Variants in DIABLO observed in about 807,000 individuals in gnomAD.
DIABLO encodes the protein diablo homolog, mitochondrial.
DIABLO carries 32 observed loss-of-function variants against 31.7 expected under a neutral mutation model. The ratio of observed to expected loss-of-function variants is 1.01; its 90% CI spans 0.76 to 1.35. DIABLO has a LOEUF of 1.35. Among genes scored for constraint, DIABLO ranks in the 40% most tolerant of loss-of-function variants. The probability of loss-of-function intolerance (pLI) is 0.00; values close to 1 mark genes in which losing one functional copy is unlikely to be tolerated. For synonymous variants in DIABLO, 132 were observed against 103.2 expected (o/e 1.28, Z -1.69); for missense variants, 316 against 286.4 (o/e 1.10, Z -0.75).
At chr12:122,219,219 G>A (rs1267353355) in intron 2 of DIABLO, among the ~76,000 whole-genome samples, 30 of 151,470 alleles carry the variant, frequency 2.0e-4, no homozygotes, top group Admixed American at 5.9e-4. Flanking sequence ...GTGACAGAGC[G>A]AGACTACATC....
chr12:122,208,783 T>C (rs768031244), intron 5 of DIABLO: 49 of 676,892 alleles, frequency 7.2e-5, no homozygotes, highest in Middle Eastern at 2.3e-4. Context: ...AAACAGCATT[T>C]TTCTTCAGCT....
chr12:122,220,859 GAAGA>G (rs1158262514), intron 2 of DIABLO: 2 of 152,100 alleles, frequency 1.3e-5, no homozygotes, highest in Admixed American at 6.6e-5. Context: ...ACTACAAAAG[GAAGA>G]AAGACACCTC....
chr12:122,209,095 C>T, intron 5 of DIABLO: 1 of 277,356 alleles, frequency 3.6e-6, no homozygotes, highest in Non-Finnish European at 7.0e-6. Flanking sequence ...CGCAGTGGCT[C>T]ACGCCTCTAA....
At chr12:122,213,133 C>T (rs1018148602) in intron 5 of DIABLO, among the ~76,000 whole-genome samples, 3 of 152,040 alleles carry the variant, frequency 2.0e-5, no homozygotes, top group South Asian at 2.1e-4. Context: ...AGTCTGGTCT[C>T]GAACTCCTGA....
rs1180023663 is a variant in DIABLO, at chr12:122,224,502, A to G, written c.183+10T>C. On this transcript the variant is annotated intron_variant, in intron 2 of 5. Transcript: ENST00000464942. The stretch of plus-strand genomic sequence containing the variant: ...GTACACTAGATAAGAATCACTGCAC[A>G]CGACAGTACCTGTGCAATAGGAACC... 2 of 1,613,862 alleles carry G rather than the reference A, an allele frequency of 1.2e-6. No individual in the cohort carries two copies. The highest frequency in any genetic ancestry group is 2.2e-5 in the South Asian group (2 of 91,074).
intron 1 of DIABLO, chr12:122,224,917 TG>T (rs755571469): frequency 3.5e-5 from 39 of 1,119,646 alleles, no homozygotes; most frequent in East Asian, 2.8e-4. Flanking sequence ...ACGACCAGCC[TG>T]GGCAACATGG....
At chr12:122,227,385 T>G (rs1300020841), upstream of DIABLO, 2 of 454,084 alleles carry the variant, frequency 4.4e-6, no homozygotes, top group South Asian at 3.1e-5. Flanking sequence ...TCTTCCACCC[T>G]GAAGCTCCGC....
intron 5 of DIABLO, 22 bp from the exon 6 acceptor site, chr12:122,208,599 G>A (rs748187773): frequency 2.5e-6 from 4 of 1,608,652 alleles, no homozygotes; most frequent in Middle Eastern, 1.6e-4. Context: ...TGGGACAATC[G>A]GGTTGAGCAG....
Position 122,224,534 on chromosome 12 carries a change from A to G in DIABLO, c.161T>C (p.Leu54Pro). The G allele has an allele frequency of 1.2e-6, 2 of 1,613,920 alleles. No individual in the cohort carries two copies. Among genetic ancestry groups the G allele is most frequent in the Non-Finnish European group, 8.5e-7 (1 of 1,179,990 alleles). Residue 54 changes from leucine to proline, a missense_variant, in exon 2 of 6, where the codon CTG becomes CCG. Physicochemically the swap from Leu to Pro is moderately conservative, Grantham distance 98. Coordinates refer to ENST00000464942, the MANE Select transcript of DIABLO (RefSeq NM_001371333.1). ...TACCTGTGCAATAGGAACCGCACAC[A>G]GGGTTACTCCAAAGCCAATCGTCAC... ...KTVTIGFGVT[L>P]CAVPIAQKSE... is the part of the protein sequence containing the mutation.
At chr12:122,208,875 A>C in intron 5 of DIABLO, 1 of 457,706 alleles carries the variant, frequency 2.2e-6, no homozygotes, top group Non-Finnish European at 4.2e-6. Flanking sequence ...CAGACCTTTG[A>C]TTAATTTTTT....
At chr12:122,225,039 C>A (rs1300302825) in intron 1 of DIABLO, 2 of 368,516 alleles carry the variant, frequency 5.4e-6, no homozygotes, top group Non-Finnish European at 1.0e-5. Flanking sequence ...ATGGTGAAAC[C>A]CCATCTCTAC....
At chr12:122,220,479 AC>A (rs1415293151) in intron 2 of DIABLO, 1 of 149,412 alleles carries the variant, frequency 6.7e-6, no homozygotes, top group Non-Finnish European at 1.5e-5. Context: ...ACATGGTGAA[AC>A]CCCGTCTCTA....
intron 4 of DIABLO, 22 bp downstream of exon 4, chr12:122,216,737 A>G: frequency 6.2e-7 from 1 of 1,608,590 alleles, no homozygotes; most frequent in Non-Finnish European, 8.5e-7. Flanking sequence ...TAACACAGAA[A>G]TGCCTAGAAC....
chr12:122,221,545 G>A (rs1011123102), intron 2 of DIABLO: 6 of 152,054 alleles, frequency 3.9e-5, no homozygotes, highest in South Asian at 2.1e-4. Context: ...TAGGACTACC[G>A]ACACACGCCA....
At chr12:122,208,764 C>G (rs772654191) in intron 5 of DIABLO, 187 bp from the exon 6 acceptor site, 12 of 704,900 alleles carry the variant, frequency 1.7e-5, no homozygotes, top group Non-Finnish European at 2.8e-5. Context: ...TTAACTGACA[C>G]TCTGTCAAAA....
rs774182436 is a variant in DIABLO, at chr12:122,208,200, C to G, written c.*181G>C. 3.4e-5 allele frequency: 25 copies of G among 745,786 alleles called. No individual in the cohort carries two copies. In the African/African-American group the frequency reaches 3.5e-4, roughly 10 times the overall value. 46.2% of individuals were successfully genotyped at this position (745,786 alleles called of 1,614,324 possible). A position where few individuals can be genotyped will look rare whatever the true frequency, so the allele number is the denominator to read the frequency against. On this transcript the variant is annotated 3_prime_UTR_variant, in exon 6 of 6. Coordinates refer to ENST00000464942, the MANE Select transcript of DIABLO (RefSeq NM_001371333.1). ...AGTGCCCAAGGGCTAAGAACCAGGT[C>G]CAGCGCAAGCCTGAGACCACAGGAG...
At chr12:122,226,711 C>A, upstream of DIABLO, 1 of 581,828 alleles carries the variant, frequency 1.7e-6, no homozygotes, top group Non-Finnish European at 3.0e-6. Flanking sequence ...CAACAGCCTC[C>A]TGGACGCTCG....
intron 2 of DIABLO, among the ~76,000 whole-genome samples, chr12:122,219,978 C>T (rs1266161298): frequency 2.0e-5 from 3 of 150,188 alleles, no homozygotes; most frequent in Non-Finnish European, 4.4e-5. Flanking sequence ...GAGTCTCACT[C>T]TATCACCCAG....
intron 2 of DIABLO, among the ~76,000 whole-genome samples, chr12:122,219,491 G>A (rs1183077262): frequency 1.3e-5 from 2 of 152,180 alleles, no homozygotes; most frequent in Admixed American, 6.6e-5. Context: ...ATGCAGAAGG[G>A]AGCAATCAGT....
Sources: gnomAD v4.1 joint callset for allele counts (sites outside exome capture counted in the v4.1 genomes callset) on GRCh38, gnomAD v4.1.1 for gene constraint, MANE v1.5 for transcripts, NCBI Gene and HGNC (gene_info 2026-07-23, HGNC 2026-07-21) for gene names.